Variants in CDH18 observed in about 807,000 individuals in gnomAD.
CDH18 encodes cadherin 18.
In CDH18, 31 loss-of-function variants were observed where a neutral mutation model predicts 67.9. The ratio of observed to expected loss-of-function variants is 0.46; its 90% CI spans 0.34 to 0.62. The LOEUF (loss-of-function observed/expected upper bound fraction) is 0.62. CDH18 is among the 20% of genes least tolerant of loss of function. CDH18 has a pLI of 0.01. For synonymous variants in CDH18, 362 were observed against 347.2 expected (o/e 1.04, Z -0.48); for missense variants, 890 against 975.5 (o/e 0.91, Z 1.17).
intron 1 of CDH18, among the ~76,000 whole-genome samples, chr5:20,423,741 C>G (rs1176159799): frequency 6.7e-6 from 1 of 150,130 alleles, no homozygotes; most frequent in East Asian, 1.9e-4. Context: ...GTCAGAAGAT[C>G]GAGACCATCC....
chr5:20,052,582 T>C (rs1338284520), intron 2 of CDH18, among the ~76,000 whole-genome samples: 1 of 152,022 alleles, frequency 6.6e-6, no homozygotes, highest in East Asian at 1.9e-4. Flanking sequence ...CAAAACCCAT[T>C]AGTGGGGTAA....
At chr5:19,631,801 T>C (rs1331341547) in intron 5 of CDH18, among the ~76,000 whole-genome samples, 1 of 152,182 alleles carries the variant, frequency 6.6e-6, no homozygotes, top group Non-Finnish European at 1.5e-5. Context: ...CTATTTCCTT[T>C]ATTATTTGGA....
chr5:19,841,572 A>C (rs1782323260), intron 2 of CDH18, among the ~76,000 whole-genome samples: 1 of 48,900 alleles, frequency 2.0e-5, no homozygotes, highest in Non-Finnish European at 5.4e-5. Flanking sequence ...CATGAATTTC[A>C]AAAAAAAAAA....
intron 2 of CDH18, among the ~76,000 whole-genome samples, chr5:19,919,603 G>A (rs189652091): frequency 1.2e-4 from 18 of 152,160 alleles, no homozygotes; most frequent in African/African-American, 3.6e-4. Context: ...CAGAAATATT[G>A]TAACTTGAAA....
rs1486950244 is a variant in CDH18, at chr5:19,902,027, AC to A, written c.-256-62786del. 1.4e-4 allele frequency among the ~76,000 whole-genome samples: 21 copies of A among 152,278 alleles called. No homozygotes were observed. The Middle Eastern group carries it at 0.01, about 74-fold the overall frequency. On this transcript the variant is annotated intron_variant, in intron 2 of 12. Coordinates refer to ENST00000382275, the MANE Select transcript of CDH18 (RefSeq NM_004934.5). ...TACCATTTTTTCTTGTATCAAAAAA[AC>A]ATGTACATTAAATCACATGTTAATT...
chr5:19,905,832 G>C (rs1790477162), intron 2 of CDH18, among the ~76,000 whole-genome samples: 1 of 151,926 alleles, frequency 6.6e-6, no homozygotes, highest in African/African-American at 2.4e-5. Flanking sequence ...GAATCAAAGG[G>C]AAGACTGACA....
chr5:20,010,358 C>G (rs1030163107), intron 2 of CDH18, among the ~76,000 whole-genome samples: 1 of 151,878 alleles, frequency 6.6e-6, no homozygotes, highest in Admixed American at 6.6e-5. Context: ...TATAGGCATG[C>G]ACCACCACGC....
chr5:20,023,083 T>C (rs1038037086), intron 2 of CDH18, among the ~76,000 whole-genome samples: 1 of 152,174 alleles, frequency 6.6e-6, no homozygotes, highest in African/African-American at 2.4e-5. Context: ...TAATAGAGTA[T>C]GTTTTCTCCC....
intron 1 of CDH18, among the ~76,000 whole-genome samples, chr5:20,336,966 CAT>C (rs1277612429): frequency 6.6e-6 from 1 of 152,080 alleles, no homozygotes; most frequent in African/African-American, 2.4e-5. Context: ...CAACCCCAGA[CAT>C]GTGCAGATGC....
intron 2 of CDH18, among the ~76,000 whole-genome samples, chr5:19,959,947 A>G (rs1251717997): frequency 6.6e-6 from 1 of 152,100 alleles, no homozygotes; most frequent in Middle Eastern, 3.2e-3. Context: ...AGGTACAGTA[A>G]AAATACAGTA....
At chr5:20,287,974 A>G (rs1412880390) in intron 1 of CDH18, among the ~76,000 whole-genome samples, 1 of 151,836 alleles carries the variant, frequency 6.6e-6, no homozygotes, top group East Asian at 1.9e-4. Flanking sequence ...TGATGTATAA[A>G]GCGTTGCATA....
chr5:20,274,182 G>A (rs1043916072), intron 1 of CDH18, among the ~76,000 whole-genome samples: 1 of 152,114 alleles, frequency 6.6e-6, no homozygotes, highest in Non-Finnish European at 1.5e-5. Context: ...GCATGGCCTT[G>A]CTGACACTTT....
At chr5:20,083,267 A>C (rs540569407) in intron 2 of CDH18, among the ~76,000 whole-genome samples, 1 of 152,302 alleles carries the variant, frequency 6.6e-6, no homozygotes, top group African/African-American at 2.4e-5. Context: ...TTAATATGAA[A>C]GTCAAGTGAA....
intron 2 of CDH18, among the ~76,000 whole-genome samples, chr5:20,001,316 T>G (rs1045194237): frequency 6.6e-6 from 1 of 152,188 alleles, no homozygotes; most frequent in African/African-American, 2.4e-5. Context: ...ATGTGAATTC[T>G]AGTACTTTCC....
At chr5:19,613,747 C>G (rs937450902) in intron 5 of CDH18, among the ~76,000 whole-genome samples, 8 of 152,064 alleles carry the variant, frequency 5.3e-5, no homozygotes, top group Non-Finnish European at 1.2e-4. Flanking sequence ...AAAGTTTACT[C>G]AGGGTATATT....
At chr5:20,291,935 C>T (rs1177164642) in intron 1 of CDH18, among the ~76,000 whole-genome samples, 3 of 152,054 alleles carry the variant, frequency 2.0e-5, no homozygotes, top group African/African-American at 7.2e-5. Flanking sequence ...TCTGATTCAC[C>T]TCAGAGTTTT....
chr5:20,282,735 T>G (rs1275122598), intron 1 of CDH18, among the ~76,000 whole-genome samples: 1 of 152,144 alleles, frequency 6.6e-6, no homozygotes, highest in Non-Finnish European at 1.5e-5. Flanking sequence ...CCTCATCAAA[T>G]GAGTTAGGGA....
intron 9 of CDH18, among the ~76,000 whole-genome samples, chr5:19,529,851 C>T (rs1184110691): frequency 6.6e-6 from 1 of 152,090 alleles, no homozygotes; most frequent in Non-Finnish European, 1.5e-5. Context: ...CAATGTTGTT[C>T]ATTGAGGTGT....
chr5:20,314,363 T>C (rs1737271356), intron 1 of CDH18, among the ~76,000 whole-genome samples: 1 of 152,052 alleles, frequency 6.6e-6, no homozygotes, highest in Non-Finnish European at 1.5e-5. Flanking sequence ...ACTATAGTTA[T>C]AAATTATCTA....
Sources: allele counts gnomAD v4.1 joint callset (sites outside exome capture counted in the v4.1 genomes callset), GRCh38; gene constraint gnomAD v4.1.1; transcripts MANE v1.5; gene names NCBI Gene and HGNC (gene_info 2026-07-23, HGNC 2026-07-21).